Variants in PAIP2B observed in about 807,000 individuals in gnomAD.
The protein encoded by PAIP2B is polyadenylate-binding protein-interacting protein 2B.
A neutral mutation model predicts 17.0 loss-of-function variants in PAIP2B; 13 were observed. The observed-to-expected ratio is 0.76, with a 90% CI of 0.50 to 1.22. The LOEUF is 1.22. PAIP2B is among the 50% of genes most tolerant of loss of function. The pLI, the probability that PAIP2B is intolerant of heterozygous loss-of-function variation, is 0.00. For missense variants in PAIP2B, 117 were observed against 144.5 expected, an observed-to-expected ratio of 0.81 and a Z score of 0.98; for synonymous variants, 43 against 48.7, an observed-to-expected ratio of 0.88 and a Z score of 0.48.
At chr2:71,205,021 T>G (rs1675091017) in intron 1 of PAIP2B, among the ~76,000 whole-genome samples, 1 of 151,630 alleles carries the variant, frequency 6.6e-6, no homozygotes, top group Non-Finnish European at 1.5e-5. Flanking sequence ...GTGTACATGA[T>G]TGTAAGGCAA....
intron 2 of PAIP2B, among the ~76,000 whole-genome samples, chr2:71,190,519 G>C (rs1403300244): frequency 1.3e-5 from 2 of 152,152 alleles, no homozygotes; most frequent in Non-Finnish European, 2.9e-5. Context: ...ACTAGCTAGA[G>C]ATAGCATAAT....
At chr2:71,192,610 T>C (rs567640104) in intron 2 of PAIP2B, among the ~76,000 whole-genome samples, 1 of 152,158 alleles carries the variant, frequency 6.6e-6, no homozygotes, top group Admixed American at 6.6e-5. Flanking sequence ...CCCCGTCAAG[T>C]AGACCCCAGT....
chr2:71,201,615 A>C (rs1379856788), intron 2 of PAIP2B, among the ~76,000 whole-genome samples: 3 of 152,132 alleles, frequency 2.0e-5, no homozygotes, highest in Non-Finnish European at 4.4e-5. Flanking sequence ...TCCTGACTTC[A>C]AGTGATCTGC....
chr2:71,198,030 G>A (rs1245046470), intron 2 of PAIP2B, among the ~76,000 whole-genome samples: 1 of 152,228 alleles, frequency 6.6e-6, no homozygotes, highest in South Asian at 2.1e-4. Flanking sequence ...GGATGCCAGT[G>A]ATACATAGAT....
chr2:71,202,788 G>A (rs1293478542), intron 1 of PAIP2B, among the ~76,000 whole-genome samples, 188 bp from the exon 2 acceptor site: 1 of 152,148 alleles, frequency 6.6e-6, no homozygotes, highest in Non-Finnish European at 1.5e-5. Flanking sequence ...CTAGACAGAT[G>A]TACAATTATT....
chr2:71,203,901 A>G (rs998652142), intron 1 of PAIP2B, among the ~76,000 whole-genome samples: 3 of 152,012 alleles, frequency 2.0e-5, no homozygotes, highest in Admixed American at 1.3e-4. Flanking sequence ...TTTGGCTTCT[A>G]AACCCATTTT....
intron 3 of PAIP2B, among the ~76,000 whole-genome samples, chr2:71,189,203 T>C (rs1674619545): frequency 6.6e-6 from 1 of 151,966 alleles, no homozygotes; most frequent in South Asian, 2.1e-4. Context: ...TTAGTAGATA[T>C]GGGGTTTCCA....
At chr2:71,189,764 T>C in intron 3 of PAIP2B, 81 bp downstream of exon 3, 2 of 1,353,564 alleles carry the variant, frequency 1.5e-6, no homozygotes, top group South Asian at 1.5e-5. Flanking sequence ...TTGAGGGTTG[T>C]AGGGCTGGAA....
rs933050430 is a variant in PAIP2B, at chr2:71,204,322, C to T, written c.-11-1722G>A. ...ACAAATTATTTCCCAGGGGTTGTTT[C>T]CATCTTGGCAACACTTGTGAATAAG... On this transcript the variant is annotated intron_variant, in intron 1 of 3. Coordinates refer to ENST00000244221, the MANE Select transcript of PAIP2B (RefSeq NM_020459.1). Among the ~76,000 whole-genome samples the T allele has an allele frequency of 5.3e-5, 8 of 152,148 alleles. No homozygotes were observed. The East Asian group carries it at 1.5e-3, about 29-fold the overall frequency.
At chr2:71,194,494 G>GTGTGT (rs1674768362) in intron 2 of PAIP2B, among the ~76,000 whole-genome samples, 1 of 107,770 alleles carries the variant, frequency 9.3e-6, no homozygotes, top group Admixed American at 9.4e-5. Flanking sequence ...TGTGTGTGTG[G>GTGTGT]CAACTGTGAA....
chr2:71,215,324 C>G (rs993930554), intron 1 of PAIP2B, among the ~76,000 whole-genome samples: 26 of 151,990 alleles, frequency 1.7e-4, no homozygotes, highest in Admixed American at 3.3e-4. Flanking sequence ...AATGCAGACT[C>G]CCCCCAGCCT....
chr2:71,208,444 A>C (rs1162619125), intron 1 of PAIP2B, among the ~76,000 whole-genome samples: 1 of 151,680 alleles, frequency 6.6e-6, no homozygotes, highest in African/African-American at 2.4e-5. Context: ...AAAAAAAGTC[A>C]AGTAGAGGAG....
At chr2:71,216,507 T>A (rs977948328) in intron 1 of PAIP2B, among the ~76,000 whole-genome samples, 1 of 152,206 alleles carries the variant, frequency 6.6e-6, no homozygotes, top group African/African-American at 2.4e-5. Flanking sequence ...ATTTGCTCCA[T>A]AACCTGTATG....
At chr2:71,189,816 T>C (rs193179819) in intron 3 of PAIP2B, 29 bp downstream of exon 3, 35 of 1,525,854 alleles carry the variant, frequency 2.3e-5, no homozygotes, top group African/African-American at 2.8e-5. Context: ...TTTCACTACA[T>C]AACCTGGGGA....
chr2:71,196,645 T>A (rs964405905), intron 2 of PAIP2B, among the ~76,000 whole-genome samples: 2 of 152,054 alleles, frequency 1.3e-5, no homozygotes, highest in African/African-American at 4.8e-5. Flanking sequence ...GCTGTCTATG[T>A]CTTTTTGCAC....
At chr2:71,226,590 G>C (rs1675735246) in intron 1 of PAIP2B, among the ~76,000 whole-genome samples, 1 of 152,132 alleles carries the variant, frequency 6.6e-6, no homozygotes, top group African/African-American at 2.4e-5. Flanking sequence ...ATGGGACTCA[G>C]GCCAAGAATT....
intron 2 of PAIP2B, among the ~76,000 whole-genome samples, chr2:71,200,214 G>A (rs2103778760): frequency 6.6e-6 from 1 of 152,262 alleles, no homozygotes; most frequent in African/African-American, 2.4e-5. Flanking sequence ...CCAACTCAAG[G>A]TACATGGTAT....
intron 1 of PAIP2B, among the ~76,000 whole-genome samples, chr2:71,221,320 G>A (rs1383642149): frequency 6.6e-6 from 1 of 152,182 alleles, no homozygotes; most frequent in East Asian, 1.9e-4. Context: ...GCACCTGCTA[G>A]TCTCGGTTTG....
At chr2:71,198,041 T>C (rs1040953857) in intron 2 of PAIP2B, among the ~76,000 whole-genome samples, 8 of 152,252 alleles carry the variant, frequency 5.3e-5, no homozygotes, top group African/African-American at 1.7e-4. Context: ...ATACATAGAT[T>C]TGTCCTCTTT....
Sources: allele counts gnomAD v4.1 joint callset (sites outside exome capture counted in the v4.1 genomes callset), GRCh38; gene constraint gnomAD v4.1.1; transcripts MANE v1.5; gene names NCBI Gene and HGNC (gene_info 2026-07-23, HGNC 2026-07-21).